Variants in SIM1 observed in about 807,000 individuals in gnomAD.
SIM1 encodes single-minded homolog 1.
A neutral mutation model predicts 78.2 loss-of-function variants in SIM1; 18 were observed. The observed-to-expected ratio is 0.23, with a 90% CI of 0.16 to 0.34. The LOEUF is 0.34. SIM1 is among the 10% of genes least tolerant of loss of function. The pLI is 1.00. For missense variants in SIM1, 939 were observed against 975.1 expected (o/e 0.96, Z 0.49); for synonymous variants, 417 against 385.2 (o/e 1.08, Z -0.97).
chr6:100,412,779 AAG>A (rs1030315061), intron 10 of SIM1, among the ~76,000 whole-genome samples: 1 of 151,818 alleles, frequency 6.6e-6, no homozygotes, highest in African/African-American at 2.4e-5. Context: ...GAAAGGGAGA[AAG>A]AGAGAACGAA....
chr6:100,392,361 A>G (rs1204964692), intron 11 of SIM1, among the ~76,000 whole-genome samples: 1 of 152,200 alleles, frequency 6.6e-6, no homozygotes, highest in Non-Finnish European at 1.5e-5. Context: ...AAAGCTGTAA[A>G]CTGCTTAATG....
chr6:100,451,594 G>A (rs1772514319), intron 3 of SIM1, among the ~76,000 whole-genome samples: 1 of 152,110 alleles, frequency 6.6e-6, no homozygotes, highest in Non-Finnish European at 1.5e-5. Context: ...AGGGGAAGAG[G>A]AGATCAGAGA....
At chr6:100,408,278 G>A (rs1329150579) in intron 10 of SIM1, among the ~76,000 whole-genome samples, 2 of 151,764 alleles carry the variant, frequency 1.3e-5, no homozygotes, top group Non-Finnish European at 2.9e-5. Flanking sequence ...TTATTTCTGG[G>A]GTCTCTATTC....
chr6:100,448,799 G>T, intron 6 of SIM1, 121 bp from the exon 7 acceptor site: 1 of 807,612 alleles, frequency 1.2e-6, no homozygotes, highest in Non-Finnish European at 1.9e-6. Flanking sequence ...GACCACGCCC[G>T]TGCACTAAGG....
intron 9 of SIM1, among the ~76,000 whole-genome samples, chr6:100,440,755 G>A (rs1237320374): frequency 1.3e-5 from 2 of 152,152 alleles, no homozygotes; most frequent in Non-Finnish European, 2.9e-5. Context: ...TGCTCATCTG[G>A]AAAGACATCA....
intron 10 of SIM1, among the ~76,000 whole-genome samples, chr6:100,394,488 C>T (rs1335558596): frequency 6.6e-6 from 1 of 152,182 alleles, no homozygotes; most frequent in African/African-American, 2.4e-5. Flanking sequence ...TCACTGCAGC[C>T]TCCACCTCCT....
chr6:100,397,890 T>TGG (rs1770807579), intron 10 of SIM1, among the ~76,000 whole-genome samples: 1 of 152,074 alleles, frequency 6.6e-6, no homozygotes, highest in African/African-American at 2.4e-5. Flanking sequence ...GATATACAGA[T>TGG]GGCAAATAAT....
chr6:100,414,074 T>C lies in SIM1; in HGVS notation c.1167+6716A>G, dbSNP rs191594992. ...AGGATAGTGACAAATACATTTGGGG[T>C]TATAAGGAAGTTAATTAATGGAGAA... On this transcript the variant is annotated intron_variant, in intron 10 of 11. Coordinates refer to ENST00000369208, the MANE Select transcript of SIM1 (RefSeq NM_005068.3). 2.3e-4 allele frequency among the ~76,000 whole-genome samples: 35 copies of C among 152,234 alleles called. 1 individual carries two copies. The highest frequency in any genetic ancestry group is 8.2e-4 in the African/African-American group (34 of 41,530).
intron 9 of SIM1, among the ~76,000 whole-genome samples, chr6:100,441,938 C>G (rs1311868462): frequency 6.6e-6 from 1 of 152,216 alleles, no homozygotes; most frequent in Non-Finnish European, 1.5e-5. Flanking sequence ...TTTCCCACAA[C>G]CACCTTCCAC....
intron 10 of SIM1, among the ~76,000 whole-genome samples, chr6:100,396,465 A>T (rs974399012): frequency 2.0e-5 from 3 of 152,184 alleles, no homozygotes; most frequent in African/African-American, 7.2e-5. Flanking sequence ...CAACCTGGGC[A>T]TACAGGAGGT....
intron 9 of SIM1, among the ~76,000 whole-genome samples, chr6:100,426,570 T>G (rs968599684): frequency 1.3e-5 from 2 of 152,196 alleles, no homozygotes; most frequent in African/African-American, 4.8e-5. Flanking sequence ...ATTAACATTA[T>G]TTCTATCATT....
At chr6:100,455,105 T>C (rs192541812) in intron 2 of SIM1, among the ~76,000 whole-genome samples, 2 of 152,108 alleles carry the variant, frequency 1.3e-5, no homozygotes, top group African/African-American at 4.8e-5. Flanking sequence ...GGAGTTGGAT[T>C]TTTTAAAAGG....
At chr6:100,462,215 T>G (rs1237441491) in intron 2 of SIM1, among the ~76,000 whole-genome samples, 1 of 151,982 alleles carries the variant, frequency 6.6e-6, no homozygotes, top group East Asian at 1.9e-4. Context: ...CCTCCAGGGG[T>G]CAAATCAGAA....
At chr6:100,454,883 C>A (rs901835903) in intron 2 of SIM1, among the ~76,000 whole-genome samples, 9 of 152,266 alleles carry the variant, frequency 5.9e-5, no homozygotes, top group Non-Finnish European at 8.8e-5. Flanking sequence ...TGAGTATTAT[C>A]TTTTTAATAG....
intron 9 of SIM1, among the ~76,000 whole-genome samples, chr6:100,435,665 A>T (rs79003747): frequency 6.6e-6 from 1 of 152,242 alleles, no homozygotes; most frequent in Non-Finnish European, 1.5e-5. Context: ...AGCAAAAAAA[A>T]TTATAAACAT....
At chr6:100,444,111 C>CATTTTCA (rs3839384) in intron 9 of SIM1, among the ~76,000 whole-genome samples, 39,647 of 151,628 alleles carry the variant, frequency 0.26, 5,393 homozygotes, top group East Asian at 0.39. Context: ...AGGTGTTCTA[C>CATTTTCA]ATTTTCTTTA....
intron 9 of SIM1, among the ~76,000 whole-genome samples, chr6:100,438,103 AT>A (rs1772104814): frequency 2.6e-5 from 4 of 152,194 alleles, no homozygotes; most frequent in Admixed American, 2.0e-4. Context: ...AAAAATGAAA[AT>A]AAATAAATGG....
chr6:100,450,665 GTCTC>G (rs374252955), intron 3 of SIM1, among the ~76,000 whole-genome samples: 1,423 of 117,276 alleles, frequency 0.012, 9 homozygotes, highest in Middle Eastern at 0.054. Flanking sequence ...CACACACACT[GTCTC>G]TCTCTCTCTC....
In SIM1 at chr6:100,389,751, A is replaced by G; in HGVS notation, c.*610T>C. On this transcript the variant is annotated 3_prime_UTR_variant, in exon 12 of 12. Coordinates refer to ENST00000369208, the MANE Select transcript of SIM1 (RefSeq NM_005068.3). ...TTGTTTATAATGGATACCAGGTGAA[A>G]ACTCATTTTTGCACCATATCCAGAA... The G allele has an allele frequency of 2.5e-6, 1 of 399,060 alleles. No homozygotes were observed. The highest frequency in any genetic ancestry group is 1.3e-4 in the South Asian group (1 of 7,858). The allele number at this position is 399,060 out of a possible 1,614,324, so 24.7% of individuals were successfully genotyped here. A position where few individuals can be genotyped will look rare whatever the true frequency, so the allele number is the denominator to read the frequency against.
Sources: allele counts gnomAD v4.1 joint callset (sites outside exome capture counted in the v4.1 genomes callset), GRCh38; gene constraint gnomAD v4.1.1; transcripts MANE v1.5; gene names NCBI Gene and HGNC (gene_info 2026-07-23, HGNC 2026-07-21).